CNTD1: variants seen among roughly 807,000 people sequenced by gnomAD.
CNTD1 encodes the protein cyclin N-terminal domain containing 1.
In CNTD1, 17 loss-of-function variants were observed where a neutral mutation model predicts 36.3. The ratio of observed to expected loss-of-function variants is 0.47; its 90% CI spans 0.32 to 0.70. The LOEUF is 0.70. CNTD1 is among the 30% of genes least tolerant of loss of function. CNTD1 has a pLI of 0.03. For synonymous variants in CNTD1, 128 were observed against 153.3 expected (o/e 0.83, Z 1.22); for missense variants, 338 against 386.1 (o/e 0.88, Z 1.04).
chr17:42,810,637 T>C lies in CNTD1; in HGVS notation c.*1102T>C, dbSNP rs550320415. On this transcript the variant is annotated 3_prime_UTR_variant, in exon 7 of 7. Coordinates refer to ENST00000588408, the MANE Select transcript of CNTD1 (RefSeq NM_173478.3). The stretch of plus-strand genomic sequence containing the variant: ...TTTAAAATAAAGTGGCTTTTGTGGA[T>C]TTTTTCTTTTTTGGTATTGTAAACA... 1.2e-5 allele frequency: 13 copies of C among 1,082,008 alleles called. No homozygotes were observed. The Admixed American group carries it at 1.3e-4, about 10-fold the overall frequency. The allele number at this position is 1,082,008 out of a possible 1,614,324, so 67.0% of individuals were successfully genotyped here. A position where few individuals can be genotyped will look rare whatever the true frequency, so the allele number is the denominator to read the frequency against.
intron 6 of CNTD1, among the ~76,000 whole-genome samples, chr17:42,809,070 A>C (rs2054937142): frequency 6.6e-6 from 1 of 152,254 alleles, no homozygotes; most frequent in African/African-American, 2.4e-5. Context: ...AACAAAACAA[A>C]GTCCAACAAT....
At chr17:42,801,836 C>T (rs185573258) in intron 1 of CNTD1, among the ~76,000 whole-genome samples, 22 of 151,944 alleles carry the variant, frequency 1.4e-4, no homozygotes, top group African/African-American at 5.1e-4. Flanking sequence ...AGTAAGAAGA[C>T]TTGTGAAGGA....
At chr17:42,805,226 C>T (rs1336665206) in intron 3 of CNTD1, among the ~76,000 whole-genome samples, 2 of 152,126 alleles carry the variant, frequency 1.3e-5, no homozygotes, top group East Asian at 3.8e-4. Flanking sequence ...TATTCTATGG[C>T]CAGATGCTGC....
chr17:42,807,276 G>T (rs151329939), intron 5 of CNTD1, among the ~76,000 whole-genome samples: 10 of 152,080 alleles, frequency 6.6e-5, no homozygotes, highest in African/African-American at 2.4e-4. Context: ...TTAGCCGGGC[G>T]TGGTGGCGGG....
chr17:42,806,667 C>A lies in CNTD1; in HGVS notation c.581-7C>A, dbSNP rs749428774. 2 of 1,613,158 alleles carry A rather than the reference C, an allele frequency of 1.2e-6. No individual in the cohort carries two copies. Among genetic ancestry groups the A allele is most frequent in the East Asian group, 4.5e-5 (2 of 44,880 alleles). On this transcript the variant is annotated splice_region_variant and splice_polypyrimidine_tract_variant and intron_variant, in intron 4 of 6. Coordinates refer to ENST00000588408, the MANE Select transcript of CNTD1 (RefSeq NM_173478.3). ...AATTCTCCCTATCATTCCCATACTC[C>A]ATCTAGGATACAATGGCTGTTTGGT... is the stretch of plus-strand genomic sequence containing the variant.
chr17:42,808,410 G>C (rs1472956645), intron 6 of CNTD1, among the ~76,000 whole-genome samples: 1 of 151,790 alleles, frequency 6.6e-6, no homozygotes, highest in African/African-American at 2.4e-5. Flanking sequence ...AATTAGCTGG[G>C]TGTGGTGGCA....
Position 42,810,676 on chromosome 17 carries a change from A to ACATGTTTGTTT in CNTD1, c.*1141_*1142insCATGTTTGTTT. On this transcript the variant is annotated 3_prime_UTR_variant, in exon 7 of 7. Transcript: ENST00000588408. ...GTATTGTAAACATGTACTGTTTAAT[A>ACATGTTTGTTT]TTACCCGAATTTAATTTAAAACATG... is the stretch of plus-strand genomic sequence containing the variant. The ACATGTTTGTTT allele has an allele frequency of 7.0e-7, 1 of 1,426,314 alleles. No homozygotes were observed. Among genetic ancestry groups the ACATGTTTGTTT allele is most frequent in the East Asian group, 2.3e-5 (1 of 43,086 alleles). The allele number at this position is 1,426,314 out of a possible 1,614,324, so 88.4% of individuals were successfully genotyped here.
intron 4 of CNTD1, 44 bp from the exon 5 acceptor site, chr17:42,806,630 G>C (rs1698651623): frequency 6.3e-7 from 1 of 1,587,040 alleles, no homozygotes; most frequent in African/African-American, 1.3e-5. Flanking sequence ...GATCAGAGAA[G>C]ACATGATCAT....
At chr17:42,805,582 A>G (rs901843084) in intron 3 of CNTD1, 140 bp from the exon 4 acceptor site, 4 of 705,032 alleles carry the variant, frequency 5.7e-6, no homozygotes, top group Admixed American at 6.3e-5. Flanking sequence ...TGGAATGACA[A>G]GCAGAGTGTG....
At chr17:42,808,314 C>T (rs754921789) in intron 6 of CNTD1, among the ~76,000 whole-genome samples, 2 of 151,876 alleles carry the variant, frequency 1.3e-5, no homozygotes, top group African/African-American at 2.4e-5. Context: ...TTTAGGAGGC[C>T]GAGGTGGGTG....
At position 42,809,577 on chromosome 17, in the gene CNTD1, G is replaced by GTTTATATC. The variant is rs1279871790; in HGVS notation, c.*42_*43insTTTATATC. 2.6e-6 allele frequency: 4 copies of GTTTATATC among 1,561,006 alleles called. No homozygotes were observed. The highest frequency in any genetic ancestry group is 3.5e-6 in the Non-Finnish European group (4 of 1,135,226). ...CAAATATAAACAGCCATCCGTCACT[G>GTTTATATC]CACTCATGCCTCCCTCTGTTTACTT... On this transcript the variant is annotated 3_prime_UTR_variant, in exon 7 of 7. Coordinates refer to ENST00000588408, the MANE Select transcript of CNTD1 (RefSeq NM_173478.3).
rs113283804 is a variant in CNTD1 at position 42,809,468 on chromosome 17, G to A, written c.926G>A (p.Arg309Lys). 1.2e-6 allele frequency: 2 copies of A among 1,614,056 alleles called. No homozygotes were observed. Among genetic ancestry groups the A allele is most frequent in the South Asian group, 1.1e-5 (1 of 91,084 alleles). The change falls in exon 7 of 7, where the codon AGA becomes AAA. Residue 309 changes from arginine (R) to lysine (K), a missense_variant. Physicochemically the swap from Arg to Lys is conservative, Grantham distance 26. Coordinates refer to ENST00000588408, the MANE Select transcript of CNTD1 (RefSeq NM_173478.3). ...GGAGTGGGAGCCAACACTCCGGGGA[G>A]ACAGCAGTCTATTCCTCCCCACCTG... ...THGVGANTPG[R>K]QQSIPPHLAA...
Position 42,799,072 on chromosome 17 carries a change from A to C in CNTD1, c.5A>C (p.Asp2Ala). ...TGCCCCAAGAGGCTCGTGAATATGG[A>C]CGGACCCATGAGGCCACGATCGGCC... The part of the protein sequence containing the change: M[D>A]GPMRPRSASL... Residue 2 changes from aspartate to alanine, a missense_variant, in exon 1 of 7, where the codon GAC becomes GCC. Asp to Ala is a moderately radical substitution (Grantham distance 126). Coordinates refer to ENST00000588408, the MANE Select transcript of CNTD1 (RefSeq NM_173478.3). 1 of 1,613,648 alleles carries C rather than the reference A, an allele frequency of 6.2e-7. No homozygotes were observed. The highest frequency in any genetic ancestry group is 1.7e-5 in the Admixed American group (1 of 59,968).
At position 42,801,795 on chromosome 17, in the gene CNTD1, T is replaced by C. The variant is rs193057459; in HGVS notation, c.170-1825T>C. Reference sequence around the variant, plus strand: ...AGAAAAGCAGGTCAAGGACAGTTCCTTGGGAAAACACTTTGTGTTCAGGGA... The same window carrying C: ...AGAAAAGCAGGTCAAGGACAGTTCCCTGGGAAAACACTTTGTGTTCAGGGA... On this transcript the variant is annotated intron_variant, in intron 1 of 6. Coordinates refer to ENST00000588408, the MANE Select transcript of CNTD1 (RefSeq NM_173478.3). Among the ~76,000 whole-genome samples the C allele has an allele frequency of 4.4e-3, 669 of 151,982 alleles. 11 individuals carry two copies. Among genetic ancestry groups the C allele is most frequent in the African/African-American group, 0.015 (634 of 41,444 alleles).
chr17:42,807,276 G>A lies in CNTD1; in HGVS notation c.725+458G>A, dbSNP rs151329939. On this transcript the variant is annotated intron_variant, in intron 5 of 6. Transcript: ENST00000588408. ...TAAAAATACAAAAAATTAGCCGGGCGTGGTGGCGGGCACCTGTAGTCCCAG... is the reference window on the plus strand; with the variant it reads ...TAAAAATACAAAAAATTAGCCGGGCATGGTGGCGGGCACCTGTAGTCCCAG... 8.0e-3 allele frequency among the ~76,000 whole-genome samples: 1,222 copies of A among 152,198 alleles called. 10 individuals carry two copies. Among genetic ancestry groups the A allele is most frequent in the Non-Finnish European group, 0.012 (785 of 68,004 alleles).
chr17:42,803,616 G>A lies in CNTD1; in HGVS notation c.170-4G>A. The A allele has an allele frequency of 6.2e-7, 1 of 1,611,912 alleles. No homozygotes were observed. The highest frequency in any genetic ancestry group is 8.5e-7 in the Non-Finnish European group (1 of 1,178,974). On this transcript the variant is annotated splice_polypyrimidine_tract_variant and splice_region_variant and intron_variant, in intron 1 of 6. Coordinates refer to ENST00000588408, the MANE Select transcript of CNTD1 (RefSeq NM_173478.3). The stretch of plus-strand genomic sequence containing the variant: ...AATTAGGCTCTTTTTTCCTGTTTTG[G>A]CAGAGTTTGTTTTTCTCCTGTCTGA...
intron 1 of CNTD1, among the ~76,000 whole-genome samples, chr17:42,801,507 AAAAATATATATATATAT>A (rs1465273240): frequency 3.6e-5 from 2 of 55,362 alleles, no homozygotes; most frequent in African/African-American, 2.4e-4. Flanking sequence ...AAAAAAAAAA[AAAAATATATATATATAT>A]ATATATATAT....
At chr17:42,803,790 T>C in intron 2 of CNTD1, 95 bp downstream of exon 2, 1 of 911,202 alleles carries the variant, frequency 1.1e-6, no homozygotes, top group Admixed American at 2.2e-5. Flanking sequence ...CCCCTTACCC[T>C]GAGACCTGGT....
At chr17:42,804,750 G>A (rs1248448312) in intron 3 of CNTD1, among the ~76,000 whole-genome samples, 1 of 152,168 alleles carries the variant, frequency 6.6e-6, no homozygotes, top group African/African-American at 2.4e-5. Flanking sequence ...GGAGGTTGCA[G>A]TGAGCTGAGG....
Sources: allele counts gnomAD v4.1 joint callset (sites outside exome capture counted in the v4.1 genomes callset), GRCh38; gene constraint gnomAD v4.1.1; transcripts MANE v1.5; gene names NCBI Gene and HGNC (gene_info 2026-07-23, HGNC 2026-07-21).